Variants in CD38 observed in about 807,000 individuals in gnomAD.
The protein encoded by CD38 is CD38 molecule.
A neutral mutation model predicts 36.3 loss-of-function variants in CD38; 31 were observed. The observed-to-expected ratio is 0.85, with a 90% CI of 0.64 to 1.15. The LOEUF is 1.15. Among genes scored for constraint, CD38 ranks in the 50% most tolerant of loss-of-function variants. The pLI, the probability that CD38 is intolerant of heterozygous loss-of-function variation, is 0.00. For synonymous variants in CD38, 131 were observed against 135.2 expected (o/e 0.97, Z 0.22); for missense variants, 380 against 371.9 (o/e 1.02, Z -0.18).
chr4:15,837,670 C>T (rs1301999964), intron 4 of CD38, among the ~76,000 whole-genome samples: 1 of 152,218 alleles, frequency 6.6e-6, no homozygotes, highest in Admixed American at 6.5e-5. Flanking sequence ...GTTCTCTCCT[C>T]AGGTTCCCCT....
chr4:15,792,358 C>G (rs558207846), intron 1 of CD38, among the ~76,000 whole-genome samples: 26 of 126,692 alleles, frequency 2.1e-4, no homozygotes, highest in African/African-American at 8.7e-4. Flanking sequence ...CTGACCTTCC[C>G]TCCACTATTG....
At chr4:15,779,702 GGA>G (rs1453736162) in intron 1 of CD38, among the ~76,000 whole-genome samples, 1 of 152,034 alleles carries the variant, frequency 6.6e-6, no homozygotes, top group Non-Finnish European at 1.5e-5. Flanking sequence ...GATACTTAAT[GGA>G]GAGAGAAACT....
rs1003770865 is a variant in CD38, at chr4:15,785,990, C to T, written c.233+7343C>T. 1.1e-4 allele frequency among the ~76,000 whole-genome samples: 17 copies of T among 152,162 alleles called. No individual in the cohort carries two copies. The East Asian group carries it at 1.5e-3, about 14-fold the overall frequency. ...GTGAGTGTTACAGCTCTTAAGGCAG[C>T]GCGTCTGGAGTTGTTCGTTCCTCCC... is the stretch of plus-strand genomic sequence containing the variant. On this transcript the variant is annotated intron_variant, in intron 1 of 7. Coordinates refer to ENST00000226279, the MANE Select transcript of CD38 (RefSeq NM_001775.4).
At chr4:15,788,916 C>CT (rs1238738121) in intron 1 of CD38, among the ~76,000 whole-genome samples, 3 of 152,274 alleles carry the variant, frequency 2.0e-5, no homozygotes, top group Non-Finnish European at 2.9e-5. Flanking sequence ...TTGGGGATTT[C>CT]TTTTTTATCA....
intron 1 of CD38, among the ~76,000 whole-genome samples, chr4:15,795,839 A>G (rs1723094580): frequency 1.3e-5 from 2 of 152,126 alleles, no homozygotes; most frequent in South Asian, 2.1e-4. Context: ...GCAATTAGCA[A>G]AGTTTGATTT....
chr4:15,834,172 T>C, intron 3 of CD38, 45 bp from the exon 4 acceptor site: 1 of 1,254,118 alleles, frequency 8.0e-7, no homozygotes. Flanking sequence ...AGCTTATTTA[T>C]ACTCTCTGTT....
intron 3 of CD38, among the ~76,000 whole-genome samples, chr4:15,832,085 A>C (rs544067266): frequency 6.6e-6 from 1 of 152,198 alleles, no homozygotes; most frequent in South Asian, 2.1e-4. Flanking sequence ...AAAGACTCTG[A>C]TGCATTCTTC....
intron 7 of CD38, among the ~76,000 whole-genome samples, chr4:15,841,957 C>G (rs1350227386): frequency 1.5e-5 from 2 of 137,062 alleles, no homozygotes; most frequent in East Asian, 4.2e-4. Flanking sequence ...TGAGATCAAA[C>G]TGCAAGGCGG....
intron 1 of CD38, among the ~76,000 whole-genome samples, chr4:15,793,150 G>A (rs1329984358): frequency 6.6e-6 from 1 of 151,822 alleles, no homozygotes; most frequent in Non-Finnish European, 1.5e-5. Context: ...TTTCTGAAAC[G>A]TTTTCTTCCC....
intron 1 of CD38, among the ~76,000 whole-genome samples, chr4:15,805,437 C>G (rs1723321853): frequency 6.6e-6 from 1 of 152,148 alleles, no homozygotes; most frequent in Non-Finnish European, 1.5e-5. Flanking sequence ...CTAACACCTC[C>G]TCCCCCCTCA....
rs1722606938 is a variant in CD38 at position 15,778,527 on chromosome 4, T to C, written c.113T>C (p.Val38Ala). The C allele has an allele frequency of 6.2e-7, 1 of 1,612,828 alleles. No individual in the cohort carries two copies. The highest frequency in any genetic ancestry group is 1.7e-5 in the Admixed American group (1 of 59,974). ...ATCCTGGTCCTGATCCTCGTCGTGG[T>C]GCTCGCGGTGGTCGTCCCGAGGTGG... ...VSILVLILVVVLAVVVPRWRQ... is the reference protein window; with the variant it reads ...VSILVLILVVALAVVVPRWRQ... Residue 38 changes from valine (V) to alanine (A), a missense_variant, in exon 1 of 8, where the codon GTG becomes GCG. Coordinates refer to ENST00000226279, the MANE Select transcript of CD38 (RefSeq NM_001775.4). The surrounding 1 kb of genome is among the most constrained non-coding windows in gnomAD (Gnocchi z 4.9).
intron 1 of CD38, among the ~76,000 whole-genome samples, chr4:15,779,800 TA>T (rs932498180): frequency 3.3e-3 from 471 of 142,758 alleles, no homozygotes; most frequent in Non-Finnish European, 2.7e-3. Context: ...GCAACCTCAT[TA>T]AAAAAAAAAA....
At chr4:15,815,880 G>T (rs563333375) in intron 1 of CD38, among the ~76,000 whole-genome samples, 2 of 152,250 alleles carry the variant, frequency 1.3e-5, no homozygotes, top group East Asian at 3.9e-4. Context: ...TGCCCATTTA[G>T]TATGATATGG....
intron 1 of CD38, among the ~76,000 whole-genome samples, chr4:15,808,725 T>C (rs550128550): frequency 5.6e-4 from 86 of 152,342 alleles, no homozygotes; most frequent in Non-Finnish European, 1.1e-3. Context: ...CAGTTCAAAA[T>C]GATGTTATGA....
chr4:15,805,477 AT>A (rs998867818), intron 1 of CD38, among the ~76,000 whole-genome samples: 11 of 151,856 alleles, frequency 7.2e-5, no homozygotes, highest in African/African-American at 2.2e-4. Context: ...TCTATTTTAC[AT>A]TTTTTTCTCA....
Position 15,778,692 on chromosome 4 carries a change from C to T in CD38, c.233+45C>T, listed in dbSNP as rs1560303216. On this transcript the variant is annotated intron_variant, in intron 1 of 7. Transcript: ENST00000226279. This position sits in a 1 kb window ranked among gnomAD's most constrained non-coding sequence, Gnocchi z 4.9. ...GCACCGGTGGGCACTGCGGGGACAG[C>T]AGGGCCCCGCGCGCAGGGAAGCCGC... 7.3e-7 allele frequency: 1 copy of T among 1,363,730 alleles called. No homozygotes were observed. Among genetic ancestry groups the T allele is most frequent in the Non-Finnish European group, 1.0e-6 (1 of 965,982 alleles). The allele number at this position is 1,363,730 out of a possible 1,614,324, so 84.5% of individuals were successfully genotyped here. A position where few individuals can be genotyped will look rare whatever the true frequency, so the allele number is the denominator to read the frequency against.
At chr4:15,822,311 C>T (rs1443189806) in intron 2 of CD38, among the ~76,000 whole-genome samples, 2 of 152,178 alleles carry the variant, frequency 1.3e-5, no homozygotes, top group Non-Finnish European at 2.9e-5. Flanking sequence ...CTCACCACTC[C>T]TATTCAACAT....
chr4:15,784,302 TAAGA>T (rs1375105163), intron 1 of CD38, among the ~76,000 whole-genome samples: 19 of 152,342 alleles, frequency 1.2e-4, no homozygotes, highest in South Asian at 1.0e-3. Context: ...GGAAGCACTT[TAAGA>T]AAGAAATAGC....
At chr4:15,812,632 A>C (rs945751053) in intron 1 of CD38, among the ~76,000 whole-genome samples, 4 of 152,184 alleles carry the variant, frequency 2.6e-5, no homozygotes, top group Non-Finnish European at 4.4e-5. Flanking sequence ...CCCTGGAGGC[A>C]GAGGTTGCAG....
Sources: gnomAD v4.1 joint callset for allele counts (sites outside exome capture counted in the v4.1 genomes callset) on GRCh38, gnomAD v4.1.1 for gene constraint, Gnocchi (gnomAD v3.1) non-coding constraint, MANE v1.5 for transcripts, NCBI Gene and HGNC (gene_info 2026-07-23, HGNC 2026-07-21) for gene names.